Variants in MRC1 observed in about 807,000 individuals in gnomAD.
The protein encoded by MRC1 is mannose receptor C-type 1.
In MRC1, 62 loss-of-function variants were observed where a neutral mutation model predicts 102.9. That is an observed-to-expected ratio of 0.60 (90% CI 0.49 to 0.74). MRC1 has a LOEUF of 0.74. Among genes scored for constraint, MRC1 ranks in the 30% least tolerant of loss-of-function variants. MRC1 has a pLI of 0.00. For synonymous variants in MRC1, 457 were observed against 298.4 expected (o/e 1.53, Z -5.48); for missense variants, 1,237 against 862.8 (o/e 1.43, Z -5.43).
chr10:17,839,158 T>A (rs534209750), intron 4 of MRC1, among the ~76,000 whole-genome samples: 13,021 of 152,164 alleles, frequency 0.086, 1,117 homozygotes, highest in African/African-American at 0.22. Context: ...CTAATTCAGT[T>A]CTTCAAGACA....
chr10:17,901,870 A>T (rs1833834238), intron 25 of MRC1, 103 bp from the exon 26 acceptor site: 5 of 767,990 alleles, frequency 6.5e-6, no homozygotes, highest in Admixed American at 5.3e-5. Flanking sequence ...AAGATTTTTT[A>T]AAATAATGAT....
Position 17,887,323 on chromosome 10 carries a change from G to A in MRC1, c.3147+1888G>A, listed in dbSNP as rs996896814. ...GGAGAATGGCATGAACCCCGGAGGC[G>A]GAGCTTGTAGTGAGCCGAGATCGCG... On this transcript the variant is annotated intron_variant, in intron 22 of 29. Coordinates refer to ENST00000569591, the MANE Select transcript of MRC1 (RefSeq NM_002438.4). 6.4e-3 allele frequency among the ~76,000 whole-genome samples: 973 copies of A among 152,254 alleles called. 4 individuals are homozygous for A. The highest frequency in any genetic ancestry group is 0.025 in the South Asian group (119 of 4,822).
chr10:17,866,888 A>T, intron 12 of MRC1, 127 bp downstream of exon 12: 2 of 723,860 alleles, frequency 2.8e-6, no homozygotes, highest in Non-Finnish European at 5.1e-6. Context: ...GGTATTTAGA[A>T]ATTCTGATTT....
At chr10:17,884,452 A>G (rs1186488111) in intron 21 of MRC1, among the ~76,000 whole-genome samples, 2 of 152,228 alleles carry the variant, frequency 1.3e-5, no homozygotes, top group East Asian at 1.9e-4. Flanking sequence ...TCACACTACT[A>G]TTAAGAGCTG....
At position 17,826,288 on chromosome 10, in the gene MRC1, C is replaced by T. The variant is rs1001024598; in HGVS notation, c.464-1254C>T. On this transcript the variant is annotated intron_variant, in intron 2 of 29. Coordinates refer to ENST00000569591, the MANE Select transcript of MRC1 (RefSeq NM_002438.4). The stretch of plus-strand genomic sequence containing the variant: ...CGTGATCTCGGCTCACAGCAACCTC[C>T]GCCTCCCGGGTTCAAGCGATTCTCC... Among the ~76,000 whole-genome samples the T allele has an allele frequency of 3.3e-5, 5 of 152,110 alleles. No individual in the cohort carries two copies. The South Asian group carries it at 6.2e-4, about 19-fold the overall frequency.
intron 9 of MRC1, among the ~76,000 whole-genome samples, chr10:17,859,905 C>T (rs1314959277): frequency 6.6e-6 from 1 of 152,164 alleles, no homozygotes; most frequent in East Asian, 1.9e-4. Context: ...TTCCGGTACT[C>T]AGAACCCCAG....
chr10:17,863,285 G>T (rs1833211604), intron 10 of MRC1, among the ~76,000 whole-genome samples: 1 of 152,090 alleles, frequency 6.6e-6, no homozygotes, highest in Admixed American at 6.6e-5. Flanking sequence ...AGGGCTAGAG[G>T]GAGATGGTTT....
rs1484301736 is a variant in MRC1 at position 17,823,151 on chromosome 10, G to A, written c.139G>A (p.Ala47Thr). The A allele has an allele frequency of 5.1e-6, 4 of 780,654 alleles. No homozygotes were observed. Among genetic ancestry groups the A allele is most frequent in the African/African-American group, 3.4e-5 (2 of 59,084 alleles). The allele number at this position is 780,654 out of a possible 1,614,324, so 48.4% of individuals were successfully genotyped here. A position where few individuals can be genotyped will look rare whatever the true frequency, so the allele number is the denominator to read the frequency against. Residue 47 changes from alanine to threonine, a missense_variant, in exon 2 of 30, where the codon GCA (alanine) becomes ACA (threonine). Physicochemically the swap from Ala to Thr is moderately conservative, Grantham distance 58. Transcript: ENST00000569591. ...DAVSPSAVQT[A>T]ACNQDAESQK... ...AGTGAGTCCCAGTGCCGTCCAAACC[G>A]CAGCTTGCAACCAGGATGCCGAATC...
At chr10:17,856,396 A>C in intron 9 of MRC1, 44 bp downstream of exon 9, 1 of 816,040 alleles carries the variant, frequency 1.2e-6, no homozygotes, top group South Asian at 1.4e-5. Context: ...AGCACGTATG[A>C]GTTGATACCG....
chr10:17,895,985 G>A (rs1464541451), intron 23 of MRC1, among the ~76,000 whole-genome samples: 1 of 152,228 alleles, frequency 6.6e-6, no homozygotes, highest in African/African-American at 2.4e-5. Flanking sequence ...GGTAACTTCT[G>A]GGGGCTGCCA....
rs1169937697 is a variant in MRC1, at chr10:17,818,585, G to A, written c.62-4489G>A. Among the ~76,000 whole-genome samples the A allele has an allele frequency of 2.0e-5, 3 of 152,208 alleles. No individual in the cohort carries two copies. In the East Asian group the frequency reaches 5.8e-4, roughly 29 times the overall value. The stretch of plus-strand genomic sequence containing the variant: ...ACACGTTGGGAGGCCGAGGTGTGCG[G>A]ATCACTTGAGGTCAGGAGTTCGAGA... On this transcript the variant is annotated intron_variant, in intron 1 of 29. Coordinates refer to ENST00000569591, the MANE Select transcript of MRC1 (RefSeq NM_002438.4).
chr10:17,817,247 CAA>C (rs78486486), intron 1 of MRC1, among the ~76,000 whole-genome samples: 3,639 of 89,264 alleles, frequency 0.041, 176 homozygotes, highest in African/African-American at 0.13. Context: ...GACTCTGTCT[CAA>C]AAAAAAAAAA....
Position 17,866,298 on chromosome 10 carries a change from A to AAGGAAGGAGGGGAGGAAGGGAGGG in MRC1, c.1784-253_1784-252insGAGGAAGGGAGGGAGGAAGGAGGG, listed in dbSNP as rs782232853. Among the ~76,000 whole-genome samples the AAGGAAGGAGGGGAGGAAGGGAGGG allele has an allele frequency of 6.6e-5, 10 of 152,246 alleles. 2 individuals are homozygous for AAGGAAGGAGGGGAGGAAGGGAGGG. Among genetic ancestry groups the AAGGAAGGAGGGGAGGAAGGGAGGG allele is most frequent in the East Asian group, 1.9e-4 (1 of 5,178 alleles). ...GAAGGGAAGAAGGAAGGAAAAAGGGAAGGAAGGAGGGAGGGAGAGAGAAGC... is the reference window on the plus strand; with the variant it reads ...GAAGGGAAGAAGGAAGGAAAAAGGGAAGGAAGGAGGGGAGGAAGGGAGGGAGGAAGGAGGGAGGGAGAGAGAAGC... On this transcript the variant is annotated intron_variant, in intron 11 of 29. Coordinates refer to ENST00000569591, the MANE Select transcript of MRC1 (RefSeq NM_002438.4).
chr10:17,877,251 T>C (rs1833449382), intron 17 of MRC1, among the ~76,000 whole-genome samples: 2 of 148,044 alleles, frequency 1.4e-5, no homozygotes, highest in African/African-American at 2.5e-5. Flanking sequence ...ATAATATATA[T>C]GTAATATATA....
chr10:17,872,229 A>G (rs35710519), intron 15 of MRC1, 103 bp downstream of exon 15: 2 of 775,134 alleles, frequency 2.6e-6, no homozygotes, highest in East Asian at 2.4e-5. Context: ...AAAATAACAA[A>G]ATCAGGAAAC....
intron 2 of MRC1, among the ~76,000 whole-genome samples, chr10:17,825,096 C>T (rs1459824871): frequency 6.6e-6 from 1 of 152,056 alleles, no homozygotes; most frequent in East Asian, 1.9e-4. Context: ...TCTCCCAGCA[C>T]TTAAGATGAT....
Position 17,907,716 on chromosome 10 carries a change from T to C in MRC1, c.4078+18T>C. The C allele has an allele frequency of 1.3e-6, 1 of 780,786 alleles. No homozygotes were observed. Among genetic ancestry groups the C allele is most frequent in the Non-Finnish European group, 2.4e-6 (1 of 417,900 alleles). The allele number at this position is 780,786 out of a possible 1,614,324, so 48.4% of individuals were successfully genotyped here. ...ACCAAAAAGTAAGTAAGAAGTTTGT[T>C]GCATGGTGCATATCACTGGCTGCCA... is the stretch of plus-strand genomic sequence containing the variant. On this transcript the variant is annotated intron_variant, in intron 28 of 29. Coordinates refer to ENST00000569591, the MANE Select transcript of MRC1 (RefSeq NM_002438.4).
chr10:17,809,457 C>T lies in MRC1; in HGVS notation c.-9C>T. ...TCCATCAGGAGAAGGAAAGGATAAA[C>T]CCTGGGCCATGAGGCTACCCCTGCT... On this transcript the variant is annotated 5_prime_UTR_variant, in exon 1 of 30. Coordinates refer to ENST00000569591, the MANE Select transcript of MRC1 (RefSeq NM_002438.4). The T allele has an allele frequency of 1.1e-6, 1 of 872,730 alleles. No individual in the cohort carries two copies. The highest frequency in any genetic ancestry group is 2.4e-5 in the East Asian group (1 of 41,698). 54.1% of individuals were successfully genotyped at this position (872,730 alleles called of 1,614,324 possible). A position where few individuals can be genotyped will look rare whatever the true frequency, so the allele number is the denominator to read the frequency against.
intron 1 of MRC1, among the ~76,000 whole-genome samples, chr10:17,818,144 C>T (rs1268600707): frequency 1.3e-5 from 2 of 152,170 alleles, no homozygotes. Flanking sequence ...TAAGTATACA[C>T]ATTTCTAAAT....
Sources: gnomAD v4.1 joint callset for allele counts (sites outside exome capture counted in the v4.1 genomes callset) on GRCh38, gnomAD v4.1.1 for gene constraint, MANE v1.5 for transcripts, NCBI Gene and HGNC (gene_info 2026-07-23, HGNC 2026-07-21) for gene names.